Variants in LRRTM4 observed in about 807,000 individuals in gnomAD.
LRRTM4 encodes the protein leucine rich repeat transmembrane neuronal 4, also known as leucine-rich repeat transmembrane neuronal protein 4.
LRRTM4 carries 25 observed loss-of-function variants against 47.6 expected under a neutral mutation model. The ratio of observed to expected loss-of-function variants is 0.53; its 90% confidence interval spans 0.38 to 0.73. The LOEUF (loss-of-function observed/expected upper bound fraction) is 0.73. LRRTM4 is among the 30% of genes least tolerant of loss of function. The probability of loss-of-function intolerance (pLI) is 0.00; values close to 1 mark genes in which losing one functional copy is unlikely to be tolerated. For missense variants in LRRTM4, 638 were observed against 713.4 expected, an observed-to-expected ratio of 0.89 and a Z score of 1.20; for synonymous variants, 311 against 269.5, an observed-to-expected ratio of 1.15 and a Z score of -1.51.
At chr2:77,269,821 A>C (rs1676145480) in intron 3 of LRRTM4, among the ~76,000 whole-genome samples, 1 of 152,358 alleles carries the variant, frequency 6.6e-6, no homozygotes, top group South Asian at 2.1e-4. Context: ...AAAGAGACTA[A>C]ATAATCCAAT....
intron 3 of LRRTM4, among the ~76,000 whole-genome samples, chr2:76,810,279 A>G (rs1670694562): frequency 6.6e-6 from 1 of 152,204 alleles, no homozygotes; most frequent in Admixed American, 6.5e-5. Flanking sequence ...GTAAATTCTA[A>G]AAAGCAAATT....
intron 3 of LRRTM4, among the ~76,000 whole-genome samples, chr2:76,785,598 G>A (rs1674631787): frequency 6.6e-6 from 1 of 152,056 alleles, no homozygotes; most frequent in Admixed American, 6.6e-5. Context: ...CTGAACATAT[G>A]TTTGTAATAG....
At chr2:77,354,557 T>C (rs1309185601) in intron 3 of LRRTM4, among the ~76,000 whole-genome samples, 2 of 152,036 alleles carry the variant, frequency 1.3e-5, no homozygotes, top group Non-Finnish European at 2.9e-5. Flanking sequence ...CATGGGCAAG[T>C]ATTTTATTAG....
intron 3 of LRRTM4, among the ~76,000 whole-genome samples, chr2:76,929,407 G>A (rs1193656206): frequency 6.6e-6 from 1 of 152,116 alleles, no homozygotes. Flanking sequence ...ATTCAACAGA[G>A]GTCTTATGGC....
chr2:77,225,186 G>C (rs1674766950), intron 3 of LRRTM4, among the ~76,000 whole-genome samples: 1 of 141,216 alleles, frequency 7.1e-6, no homozygotes, highest in Non-Finnish European at 1.5e-5. Context: ...ACACAGGAAG[G>C]GGAACATCAC....
At chr2:76,978,354 G>A (rs1002764314) in intron 3 of LRRTM4, among the ~76,000 whole-genome samples, 3 of 152,060 alleles carry the variant, frequency 2.0e-5, no homozygotes, top group African/African-American at 4.8e-5. Context: ...GGCTTAAGTT[G>A]AAGGATTTTA....
At chr2:77,069,747 C>G (rs567275389) in intron 3 of LRRTM4, among the ~76,000 whole-genome samples, 2 of 152,150 alleles carry the variant, frequency 1.3e-5, no homozygotes, top group Admixed American at 6.5e-5. Flanking sequence ...ATGTTCACAA[C>G]TCTGTATATG....
chr2:77,449,691 C>T (rs917079273), intron 3 of LRRTM4, among the ~76,000 whole-genome samples: 4 of 152,202 alleles, frequency 2.6e-5, no homozygotes, highest in Non-Finnish European at 5.9e-5. Flanking sequence ...GGTAGCCACT[C>T]GCAGCAACTG....
At chr2:77,148,720 A>T (rs1672339364) in intron 3 of LRRTM4, among the ~76,000 whole-genome samples, 1 of 152,166 alleles carries the variant, frequency 6.6e-6, no homozygotes, top group East Asian at 1.9e-4. Context: ...ATGGCTCAGG[A>T]AGCAGTTTTA....
At chr2:77,108,619 T>G (rs978320953) in intron 3 of LRRTM4, among the ~76,000 whole-genome samples, 1 of 150,450 alleles carries the variant, frequency 6.6e-6, no homozygotes, top group South Asian at 2.1e-4. Context: ...AGTCTCGCTC[T>G]GTCGCCCAGG....
chr2:76,992,665 G>T (rs761580353), intron 3 of LRRTM4, among the ~76,000 whole-genome samples: 2 of 151,674 alleles, frequency 1.3e-5, no homozygotes, highest in South Asian at 2.1e-4. Context: ...TTCATGGATT[G>T]GAAGAATCAA....
intron 3 of LRRTM4, among the ~76,000 whole-genome samples, chr2:77,309,596 G>A (rs558489066): frequency 6.6e-5 from 10 of 152,176 alleles, no homozygotes; most frequent in African/African-American, 2.4e-4. Flanking sequence ...AGGAAAGCTA[G>A]CCCCCTGGGA....
At chr2:76,774,029 A>G (rs1354969111) in intron 3 of LRRTM4, among the ~76,000 whole-genome samples, 2 of 152,188 alleles carry the variant, frequency 1.3e-5, no homozygotes, top group Admixed American at 6.5e-5. Context: ...GTCAAAATCC[A>G]TATATATCTT....
chr2:77,210,169 G>A (rs1674252416), intron 3 of LRRTM4, among the ~76,000 whole-genome samples: 1 of 152,174 alleles, frequency 6.6e-6, no homozygotes, highest in Non-Finnish European at 1.5e-5. Flanking sequence ...GAGAAACCAA[G>A]AGCAAAATAG....
intron 3 of LRRTM4, among the ~76,000 whole-genome samples, chr2:76,802,057 G>A (rs1675722121): frequency 1.3e-5 from 2 of 152,058 alleles, no homozygotes; most frequent in Admixed American, 1.3e-4. Context: ...TCTAAAACCA[G>A]GAACAAGACA....
At chr2:77,417,596 C>T (rs1444364454) in intron 3 of LRRTM4, among the ~76,000 whole-genome samples, 1 of 152,042 alleles carries the variant, frequency 6.6e-6, no homozygotes, top group African/African-American at 2.4e-5. Context: ...TTTGTAGGGA[C>T]ATGGATGAAG....
intron 3 of LRRTM4, among the ~76,000 whole-genome samples, chr2:77,477,944 A>G (rs1361765037): frequency 6.7e-6 from 1 of 148,848 alleles, no homozygotes; most frequent in Non-Finnish European, 1.5e-5. Flanking sequence ...AGAAAGAAAG[A>G]AAGAAAGAAA....
chr2:77,074,638 TCTA>T (rs2103837935), intron 3 of LRRTM4, among the ~76,000 whole-genome samples: 1 of 152,218 alleles, frequency 6.6e-6, no homozygotes, highest in South Asian at 2.1e-4. Flanking sequence ...TGAATTATAG[TCTA>T]CTACAAGGAG....
At chr2:76,789,880 CTTCTTTTT>C (rs1674880916) in intron 3 of LRRTM4, among the ~76,000 whole-genome samples, 1 of 152,076 alleles carries the variant, frequency 6.6e-6, no homozygotes. Flanking sequence ...TATCAGCACT[CTTCTTTTT>C]TATCTCTAGC....
Sources: gnomAD v4.1 joint callset for allele counts (sites outside exome capture counted in the v4.1 genomes callset) on GRCh38, gnomAD v4.1.1 for gene constraint, MANE v1.5 for transcripts, NCBI Gene and HGNC (gene_info 2026-07-23, HGNC 2026-07-21) for gene names.